The following LRRTM4 variants were observed in gnomAD, a reference collection of about 807,000 sequenced individuals.
LRRTM4 encodes the protein leucine rich repeat transmembrane neuronal 4, also known as leucine-rich repeat transmembrane neuronal protein 4.
In LRRTM4, 25 loss-of-function variants were observed where a neutral mutation model predicts 47.6. The ratio of observed to expected loss-of-function variants is 0.53; its 90% CI spans 0.38 to 0.73. The LOEUF (loss-of-function observed/expected upper bound fraction) is 0.73. LRRTM4 is among the 30% of genes least tolerant of loss of function. The pLI is 0.00. For missense variants in LRRTM4, 638 were observed against 713.4 expected, an observed-to-expected ratio of 0.89 and a Z score of 1.20; for synonymous variants, 311 against 269.5, an observed-to-expected ratio of 1.15 and a Z score of -1.51.
At position 77,379,831 on chromosome 2, in the gene LRRTM4, T is replaced by C. The variant is rs537857283; in HGVS notation, c.1551+138487A>G. Among the ~76,000 whole-genome samples, 35 of 152,246 alleles carry C rather than the reference T, an allele frequency of 2.3e-4. No individual in the cohort carries two copies. In the East Asian group the frequency reaches 6.4e-3, roughly 28 times the overall value. Reference sequence around the variant, plus strand: ...ATTTCAGTATTTTCTGATCTTTCTTTTGAATTTCAGAAATCTGCTCTCAGT... The same window carrying C: ...ATTTCAGTATTTTCTGATCTTTCTTCTGAATTTCAGAAATCTGCTCTCAGT... On this transcript the variant is annotated intron_variant, in intron 3 of 3. Transcript: ENST00000409884.
chr2:77,402,936 A>G (rs1674018688), intron 3 of LRRTM4, among the ~76,000 whole-genome samples: 1 of 152,010 alleles, frequency 6.6e-6, no homozygotes, highest in African/African-American at 2.4e-5. Context: ...AGATAAGAAA[A>G]ACTCAGACCT....
chr2:76,797,320 T>G (rs1675391245), intron 3 of LRRTM4, among the ~76,000 whole-genome samples: 1 of 151,936 alleles, frequency 6.6e-6, no homozygotes, highest in Non-Finnish European at 1.5e-5. Context: ...TCAACATTCT[T>G]AAAGAAAAGA....
intron 3 of LRRTM4, among the ~76,000 whole-genome samples, chr2:77,515,986 T>C (rs1415879014): frequency 2.0e-5 from 3 of 151,862 alleles, no homozygotes; most frequent in Non-Finnish European, 4.4e-5. Flanking sequence ...TTGTATGCTT[T>C]CGTTTTAAAA....
At chr2:77,178,558 C>G (rs993251240) in intron 3 of LRRTM4, among the ~76,000 whole-genome samples, 1 of 152,070 alleles carries the variant, frequency 6.6e-6, no homozygotes, top group Non-Finnish European at 1.5e-5. Context: ...TGCACTCCAG[C>G]CTGGGCAACA....
intron 3 of LRRTM4, among the ~76,000 whole-genome samples, chr2:76,769,339 G>C (rs1304617544): frequency 1.3e-5 from 2 of 152,032 alleles, no homozygotes; most frequent in East Asian, 3.9e-4. Flanking sequence ...AAAATGTCCT[G>C]ATAAATAAAA....
chr2:77,200,524 A>G lies in LRRTM4; in HGVS notation c.1551+317794T>C, dbSNP rs142127283. ...TCTAAAATGTTTATGAAAAATAAGA[A>G]TGTCTATATTGGGAAGCTCTTTTTA... On this transcript the variant is annotated intron_variant, in intron 3 of 3. Coordinates refer to ENST00000409884, the MANE Select transcript of LRRTM4 (RefSeq NM_001134745.3). Among the ~76,000 whole-genome samples, 7 of 152,254 alleles carry G rather than the reference A, an allele frequency of 4.6e-5. 1 individual carries two copies. Among genetic ancestry groups the G allele is most frequent in the African/African-American group, 1.7e-4 (7 of 41,570 alleles).
intron 3 of LRRTM4, among the ~76,000 whole-genome samples, chr2:77,421,526 T>G (rs1573391167): frequency 1.3e-5 from 2 of 152,030 alleles, no homozygotes; most frequent in East Asian, 3.9e-4. Flanking sequence ...GCTAACACGG[T>G]GAAACCCCTT....
At chr2:77,083,735 T>G (rs1364675013) in intron 3 of LRRTM4, among the ~76,000 whole-genome samples, 1 of 151,096 alleles carries the variant, frequency 6.6e-6, no homozygotes, top group East Asian at 1.9e-4. Flanking sequence ...GTAATGATTC[T>G]TCCTTTCTTT....
chr2:77,080,879 C>T (rs536976681), intron 3 of LRRTM4, among the ~76,000 whole-genome samples: 73 of 152,234 alleles, frequency 4.8e-4, no homozygotes, highest in African/African-American at 1.7e-3. Flanking sequence ...TGTTTCACCA[C>T]CTCTGCAAAG....
chr2:76,850,544 G>A (rs919691862), intron 3 of LRRTM4, among the ~76,000 whole-genome samples: 6 of 152,154 alleles, frequency 3.9e-5, no homozygotes, highest in Non-Finnish European at 8.8e-5. Flanking sequence ...GAGATTAAAT[G>A]ATATGTTTAA....
At chr2:76,917,669 G>C (rs556875743) in intron 3 of LRRTM4, among the ~76,000 whole-genome samples, 1 of 152,232 alleles carries the variant, frequency 6.6e-6, no homozygotes, top group East Asian at 1.9e-4. Context: ...CTCTAGTTAA[G>C]ATAATGGAAG....
At chr2:76,837,629 A>G (rs1231034060) in intron 3 of LRRTM4, among the ~76,000 whole-genome samples, 1 of 152,166 alleles carries the variant, frequency 6.6e-6, no homozygotes, top group Non-Finnish European at 1.5e-5. Context: ...ATAAAGACAC[A>G]TGCACACGCA....
chr2:77,329,874 G>A (rs531943216), intron 3 of LRRTM4, among the ~76,000 whole-genome samples: 57 of 152,270 alleles, frequency 3.7e-4, no homozygotes, highest in African/African-American at 1.4e-3. Context: ...AACTGACAAC[G>A]GTGAATGCGT....
intron 3 of LRRTM4, chr2:76,987,641 A>G (rs1184527682): frequency 6.6e-6 from 1 of 151,952 alleles, no homozygotes; most frequent in Non-Finnish European, 1.5e-5. Context: ...TCTTATGGTC[A>G]GAAAAATGAG....
chr2:76,832,454 CTTTTTTTTTTT>C (rs541805872), intron 3 of LRRTM4, among the ~76,000 whole-genome samples: 1 of 94,032 alleles, frequency 1.1e-5, no homozygotes, highest in African/African-American at 4.1e-5. Context: ...CCTCGAAGGG[CTTTTTTTTTTT>C]TTTTTTTTTT....
chr2:77,257,143 T>C (rs1409995348), intron 3 of LRRTM4, among the ~76,000 whole-genome samples: 2 of 152,072 alleles, frequency 1.3e-5, no homozygotes, highest in Non-Finnish European at 2.9e-5. Flanking sequence ...CTTCTTCAAC[T>C]TGATAATACT....
chr2:77,212,194 C>A (rs1490184042), intron 3 of LRRTM4, among the ~76,000 whole-genome samples: 1 of 151,666 alleles, frequency 6.6e-6, no homozygotes, highest in African/African-American at 2.4e-5. Context: ...TAGAAAAAAA[C>A]ATTACTTAAA....
chr2:77,283,741 T>G (rs911851258), intron 3 of LRRTM4, among the ~76,000 whole-genome samples: 1 of 152,050 alleles, frequency 6.6e-6, no homozygotes, highest in African/African-American at 2.4e-5. Flanking sequence ...AAATACCGCA[T>G]GTTCTCAATT....
At chr2:77,362,167 A>AAGAAAGAAAGAAAGAAAG (rs1672262301) in intron 3 of LRRTM4, among the ~76,000 whole-genome samples, 1 of 149,092 alleles carries the variant, frequency 6.7e-6, no homozygotes, top group Non-Finnish European at 1.5e-5. Context: ...GAAAGAAAGA[A>AAGAAAGAAAGAAAGAAAG]AGAAAGGAAG....
Sources: gnomAD v4.1 joint callset for allele counts (sites outside exome capture counted in the v4.1 genomes callset) on GRCh38, gnomAD v4.1.1 for gene constraint, MANE v1.5 for transcripts, NCBI Gene and HGNC (gene_info 2026-07-23, HGNC 2026-07-21) for gene names.